RAB43: variants seen among roughly 807,000 people sequenced by gnomAD.
RAB43 encodes the protein RAB43, member RAS oncogene family, also known as ras-related protein Rab-43.
A neutral mutation model predicts 18.8 loss-of-function variants in RAB43; 6 were observed. The observed-to-expected ratio is 0.32, with a 90% CI of 0.17 to 0.63. RAB43 has a LOEUF of 0.63. Ranked by LOEUF, RAB43 falls within the 30% of genes least tolerant of loss-of-function variation. The probability of loss-of-function intolerance (pLI) is 0.79; values close to 1 mark genes in which losing one functional copy is unlikely to be tolerated. For missense variants in RAB43, 195 were observed against 289.1 expected (o/e 0.67, Z 2.36); for synonymous variants, 103 against 124.1 (o/e 0.83, Z 1.13).
rs988279047 is a variant in RAB43 at position 129,107,208 on chromosome 3, G to A, written c.205-12039C>T. ...CATCAGCAGAGGTCTGTCTGACTCC[G>A]AAGCCTGGTGTCCTTTACCATGGAC... On this transcript the variant is annotated intron_variant, in intron 1 of 2. Coordinates refer to ENST00000315150, the MANE Select transcript of RAB43 (RefSeq NM_198490.3). This position sits in a 1 kb window ranked among gnomAD's most constrained non-coding sequence, Gnocchi z 4.2. Among the ~76,000 whole-genome samples, 1 of 152,194 alleles carries A rather than the reference G, an allele frequency of 6.6e-6. No individual in the cohort carries two copies. The highest frequency in any genetic ancestry group is 2.4e-5 in the African/African-American group (1 of 41,452).
Position 129,095,507 on chromosome 3 carries a change from C to T in RAB43, c.205-338G>A, listed in dbSNP as rs1015412110. 1.2e-4 allele frequency among the ~76,000 whole-genome samples: 19 copies of T among 152,220 alleles called. 1 individual carries two copies. Among genetic ancestry groups the T allele is most frequent in the African/African-American group, 7.2e-5 (3 of 41,452 alleles). ...GAAAACAGAACCACCAGTGCTCAAG[C>T]GGCCGGCGGCTGGAAAGCTGGCTCC... On this transcript the variant is annotated intron_variant, in intron 1 of 2. Coordinates refer to ENST00000315150, the MANE Select transcript of RAB43 (RefSeq NM_198490.3). This position sits in a 1 kb window ranked among gnomAD's most constrained non-coding sequence, Gnocchi z 4.2.
chr3:129,120,230 C>G (rs1227957214), intron 1 of RAB43, among the ~76,000 whole-genome samples: 1 of 152,112 alleles, frequency 6.6e-6, no homozygotes, highest in African/African-American at 2.4e-5. Context: ...GAAATTATCC[C>G]AATTTTATAG....
chr3:129,117,252 T>C (rs1172222749), intron 1 of RAB43, among the ~76,000 whole-genome samples: 1 of 152,230 alleles, frequency 6.6e-6, no homozygotes, highest in Non-Finnish European at 1.5e-5. Context: ...TTCAAAGTTT[T>C]CTGACAACCC....
At chr3:129,117,943 T>C (rs762395955) in intron 1 of RAB43, among the ~76,000 whole-genome samples, 4 of 152,190 alleles carry the variant, frequency 2.6e-5, no homozygotes, top group Non-Finnish European at 4.4e-5. Flanking sequence ...GAGCTTACCT[T>C]CTATAGGGGC....
chr3:129,091,379 T>G (rs1037541990), intron 2 of RAB43, 33 bp from the exon 3 acceptor site: 34 of 1,591,322 alleles, frequency 2.1e-5, no homozygotes, highest in Non-Finnish European at 2.7e-5. Context: ...CATGAGGCCA[T>G]GGGGGCTGGG....
chr3:129,091,395 C>T lies in RAB43; in HGVS notation c.389-49G>A, dbSNP rs373194382. 109 of 1,567,818 alleles carry T rather than the reference C, an allele frequency of 7.0e-5. No individual in the cohort carries two copies. The African/African-American group carries it at 1.2e-3, about 18-fold the overall frequency. ...ATGAGGCCATGGGGGCTGGGCAAGC[C>T]CAGTCCCACCTGGGAGGGTCACGCT... On this transcript the variant is annotated intron_variant, in intron 2 of 2. Coordinates refer to ENST00000315150, the MANE Select transcript of RAB43 (RefSeq NM_198490.3).
chr3:129,116,128 TG>T (rs1935507824), intron 1 of RAB43, among the ~76,000 whole-genome samples: 1 of 152,248 alleles, frequency 6.6e-6, no homozygotes, highest in African/African-American at 2.4e-5. Context: ...AACTTTATCA[TG>T]GGCATGTATG....
In RAB43 at chr3:129,090,596, G is replaced by A. The variant is rs543113475; in HGVS notation, c.*500C>T. ...CAGGAAGCAGGTTCCCCGCCTGGAA[G>A]GGGCTGGGGCTTCCCTGGAGCTGCG... On this transcript the variant is annotated 3_prime_UTR_variant, in exon 3 of 3. Transcript: ENST00000315150. The A allele has an allele frequency of 6.4e-6, 1 of 155,592 alleles. No individual in the cohort carries two copies. The highest frequency in any genetic ancestry group is 2.0e-4 in the South Asian group (1 of 4,982). The allele number at this position is 155,592 out of a possible 1,614,324, so 9.6% of individuals were successfully genotyped here. A position where few individuals can be genotyped will look rare whatever the true frequency, so the allele number is the denominator to read the frequency against.
Position 129,095,271 on chromosome 3 carries a change from G to A in RAB43, c.205-102C>T. The A allele has an allele frequency of 1.4e-6, 2 of 1,457,696 alleles. No homozygotes were observed. Among genetic ancestry groups the A allele is most frequent in the Non-Finnish European group, 1.8e-6 (2 of 1,095,066 alleles). The allele number at this position is 1,457,696 out of a possible 1,614,324, so 90.3% of individuals were successfully genotyped here. A position where few individuals can be genotyped will look rare whatever the true frequency, so the allele number is the denominator to read the frequency against. ...CACACCCAGAGCTGTGGTTCCACTG[G>A]GCTAGGAGGCCTTCTGAGTCCTTAG... is the stretch of plus-strand genomic sequence containing the variant. On this transcript the variant is annotated intron_variant, in intron 1 of 2. Transcript: ENST00000315150. This position sits in a 1 kb window ranked among gnomAD's most constrained non-coding sequence, Gnocchi z 4.2.
Position 129,095,562 on chromosome 3 carries a change from G to A in RAB43, c.205-393C>T, listed in dbSNP as rs573122665. Among the ~76,000 whole-genome samples, 20 of 152,286 alleles carry A rather than the reference G, an allele frequency of 1.3e-4. No homozygotes were observed. The South Asian group carries it at 3.5e-3, about 27-fold the overall frequency. On this transcript the variant is annotated intron_variant, in intron 1 of 2. Coordinates refer to ENST00000315150, the MANE Select transcript of RAB43 (RefSeq NM_198490.3). This position sits in a 1 kb window ranked among gnomAD's most constrained non-coding sequence, Gnocchi z 4.2. ...GCACTGCACGGCCAGCAGTAGGCAC[G>A]GCCAGGTACCCTCCCCTACAAGAGC...
rs963279010 is a variant in RAB43, at chr3:129,107,558, G to A, written c.205-12389C>T. 6.6e-6 allele frequency among the ~76,000 whole-genome samples: 1 copy of A among 152,138 alleles called. No homozygotes were observed. Among genetic ancestry groups the A allele is most frequent in the Non-Finnish European group, 1.5e-5 (1 of 68,026 alleles). On this transcript the variant is annotated intron_variant, in intron 1 of 2. Transcript: ENST00000315150. This position sits in a 1 kb window ranked among gnomAD's most constrained non-coding sequence, Gnocchi z 4.2. ...AAACCAAGGCAGCGTGCAGGAGCTC[G>A]CGGTGGGCACCGCTCAGCTGGGGGG...
chr3:129,114,931 G>A (rs558528830), intron 1 of RAB43, among the ~76,000 whole-genome samples: 1 of 152,106 alleles, frequency 6.6e-6, no homozygotes, highest in Admixed American at 6.6e-5. Context: ...ACTTGTTTAC[G>A]GTCAGCTGGG....
intron 2 of RAB43, chr3:129,092,564 C>T: frequency 2.9e-6 from 2 of 692,270 alleles, no homozygotes; most frequent in South Asian, 1.5e-5. Flanking sequence ...AGTTCAAGAT[C>T]AGCCTGGGCA....
At chr3:129,094,505 C>CT (rs200896936) in intron 2 of RAB43, among the ~76,000 whole-genome samples, 39,167 of 67,944 alleles carry the variant, frequency 0.58, 17,009 homozygotes, top group Non-Finnish European at 0.69. Context: ...ATATAACTTT[C>CT]TTTTTTTTTT....
At chr3:129,113,185 A>G (rs571756588) in intron 1 of RAB43, among the ~76,000 whole-genome samples, 64 of 144,224 alleles carry the variant, frequency 4.4e-4, no homozygotes, top group African/African-American at 1.6e-3. Flanking sequence ...TTTTTTTTCG[A>G]GATGGAGTCT....
chr3:129,090,684 A>C lies in RAB43; in HGVS notation c.*412T>G. ...CTGCTGCTCTGTGCAGAGCCCCAGG[A>C]TGACCGGGAAGAACCCAGGGCACTG... On this transcript the variant is annotated 3_prime_UTR_variant, in exon 3 of 3. Coordinates refer to ENST00000315150, the MANE Select transcript of RAB43 (RefSeq NM_198490.3). 4.8e-6 allele frequency: 1 copy of C among 207,880 alleles called. No individual in the cohort carries two copies. The highest frequency in any genetic ancestry group is 9.7e-6 in the Non-Finnish European group (1 of 102,924). 12.9% of individuals were successfully genotyped at this position (207,880 alleles called of 1,614,324 possible).
intron 1 of RAB43, among the ~76,000 whole-genome samples, chr3:129,100,773 T>C (rs1217256188): frequency 1.3e-5 from 2 of 152,188 alleles, no homozygotes; most frequent in Admixed American, 1.3e-4. Context: ...TGATGCTCTG[T>C]CACCAGCTTT....
intron 1 of RAB43, among the ~76,000 whole-genome samples, chr3:129,114,946 TAG>T (rs1299375492): frequency 1.8e-4 from 27 of 152,224 alleles, no homozygotes; most frequent in Admixed American, 4.6e-4. Flanking sequence ...GCTGGGCAAC[TAG>T]GCTGAGAAAC....
chr3:129,121,375 T>C lies in RAB43; in HGVS notation c.115A>G (p.Lys39Glu). ...VGKTCVVQRFKTGAFSERQGS... is the reference protein window; with the variant it reads ...VGKTCVVQRFETGAFSERQGS... The stretch of plus-strand genomic sequence containing the variant: ...TGGCGCTCCGAGAAGGCGCCGGTCT[T>C]GAAGCGCTGCACCACGCACGTCTTG... The change falls in exon 1 of 3, where the codon AAG (lysine) becomes GAG (glutamate). Residue 39 changes from lysine to glutamate, a missense_variant. Coordinates refer to ENST00000315150, the MANE Select transcript of RAB43 (RefSeq NM_198490.3). 2.5e-6 allele frequency: 4 copies of C among 1,612,160 alleles called. No individual in the cohort carries two copies.
Sources: gnomAD v4.1 joint callset for allele counts (sites outside exome capture counted in the v4.1 genomes callset) on GRCh38, gnomAD v4.1.1 for gene constraint, Gnocchi (gnomAD v3.1) non-coding constraint, MANE v1.5 for transcripts, NCBI Gene and HGNC (gene_info 2026-07-23, HGNC 2026-07-21) for gene names.